EFNA5: variants seen among roughly 807,000 people sequenced by gnomAD.
EFNA5 encodes ephrin A5.
In EFNA5, 5 loss-of-function variants were observed where a neutral mutation model predicts 22.9. The observed-to-expected ratio is 0.22, with a 90% confidence interval of 0.11 to 0.46. The LOEUF (loss-of-function observed/expected upper bound fraction) is 0.46. EFNA5 is among the 20% of genes least tolerant of loss of function. The pLI is 0.99. For missense variants in EFNA5, 237 were observed against 293.3 expected (o/e 0.81, Z 1.40); for synonymous variants, 113 against 112.2 (o/e 1.01, Z -0.04).
At chr5:107,433,902 A>AC (rs1749040002) in intron 1 of EFNA5, among the ~76,000 whole-genome samples, 1 of 53,456 alleles carries the variant, frequency 1.9e-5, no homozygotes, top group East Asian at 3.2e-4. Flanking sequence ...CCCTGTCTCA[A>AC]AAAAAAAAAA....
chr5:107,614,208 C>G (rs765956679), intron 1 of EFNA5, among the ~76,000 whole-genome samples: 1 of 152,138 alleles, frequency 6.6e-6, no homozygotes, highest in South Asian at 2.1e-4. Flanking sequence ...CAGTCTCTTC[C>G]CCAGGCATAA....
chr5:107,421,949 G>A (rs1314515424), intron 2 of EFNA5, among the ~76,000 whole-genome samples: 1 of 151,900 alleles, frequency 6.6e-6, no homozygotes, highest in Non-Finnish European at 1.5e-5. Context: ...GAGCTACCAC[G>A]CCCGTCTAAT....
intron 1 of EFNA5, among the ~76,000 whole-genome samples, chr5:107,555,278 C>T (rs1041467557): frequency 6.6e-6 from 1 of 152,192 alleles, no homozygotes; most frequent in Non-Finnish European, 1.5e-5. Context: ...CCTGAGATAG[C>T]CAGATACACA....
chr5:107,383,283 T>C (rs1315342226), intron 4 of EFNA5, among the ~76,000 whole-genome samples: 3 of 152,172 alleles, frequency 2.0e-5, no homozygotes, highest in African/African-American at 7.2e-5. Flanking sequence ...GGAAGCAAGA[T>C]GGTAAGATAA....
intron 1 of EFNA5, among the ~76,000 whole-genome samples, chr5:107,535,166 CG>C (rs1747901946): frequency 6.6e-6 from 1 of 151,992 alleles, no homozygotes; most frequent in Admixed American, 6.6e-5. Flanking sequence ...CATTCAACAG[CG>C]GTGGGTACCT....
intron 1 of EFNA5, among the ~76,000 whole-genome samples, chr5:107,594,759 G>A (rs1288603594): frequency 1.3e-5 from 2 of 152,114 alleles, no homozygotes; most frequent in East Asian, 1.9e-4. Flanking sequence ...TGGGGAAATG[G>A]GAGCCCCCTG....
At chr5:107,457,404 T>C (rs1034933968) in intron 1 of EFNA5, among the ~76,000 whole-genome samples, 2 of 152,130 alleles carry the variant, frequency 1.3e-5, no homozygotes, top group Admixed American at 1.3e-4. Flanking sequence ...GTCCCTGATA[T>C]AAAAAGGCAT....
At chr5:107,583,339 C>A (rs1330133201) in intron 1 of EFNA5, among the ~76,000 whole-genome samples, 4 of 152,084 alleles carry the variant, frequency 2.6e-5, no homozygotes, top group Admixed American at 2.6e-4. Flanking sequence ...CTGGTTCAGA[C>A]TGAAGTACCT....
At chr5:107,549,216 CTTTA>C (rs1245877689) in intron 1 of EFNA5, among the ~76,000 whole-genome samples, 1 of 152,088 alleles carries the variant, frequency 6.6e-6, no homozygotes, top group Non-Finnish European at 1.5e-5. Flanking sequence ...TTCCAGAATG[CTTTA>C]TTTTTCTTTC....
rs558079480 is a variant in EFNA5, at chr5:107,474,974, T to G, written c.126-47465A>C. ...AGTTTCTGTCCCACTGTTAAGACAG[T>G]GTTTGTGCAATGTGAGGTTACTTCC... On this transcript the variant is annotated intron_variant, in intron 1 of 4. Coordinates refer to ENST00000333274, the MANE Select transcript of EFNA5 (RefSeq NM_001962.3). Among the ~76,000 whole-genome samples the G allele has an allele frequency of 7.2e-5, 11 of 152,334 alleles. No individual in the cohort carries two copies. In the South Asian group the frequency reaches 2.3e-3, roughly 32 times the overall value.
intron 1 of EFNA5, among the ~76,000 whole-genome samples, chr5:107,477,994 A>C (rs76296196): frequency 2.8e-4 from 43 of 152,276 alleles, no homozygotes; most frequent in African/African-American, 1.0e-3. Context: ...TTTAGTGATA[A>C]CCACCGAAAT....
intron 1 of EFNA5, among the ~76,000 whole-genome samples, chr5:107,607,761 A>G (rs1433395615): frequency 6.6e-6 from 1 of 152,040 alleles, no homozygotes; most frequent in Non-Finnish European, 1.5e-5. Flanking sequence ...AGGAGGGAGG[A>G]AAGCAAAAAA....
intron 1 of EFNA5, among the ~76,000 whole-genome samples, chr5:107,566,360 C>A (rs1468403104): frequency 3.3e-5 from 5 of 152,090 alleles, no homozygotes; most frequent in African/African-American, 1.2e-4. Flanking sequence ...TTTCTACACA[C>A]AAAGGGAATG....
chr5:107,486,211 T>G (rs1338452369), intron 1 of EFNA5, among the ~76,000 whole-genome samples: 1 of 152,166 alleles, frequency 6.6e-6, no homozygotes, highest in Admixed American at 6.5e-5. Context: ...GATTCCTGAG[T>G]GTGTGTGAAA....
intron 1 of EFNA5, among the ~76,000 whole-genome samples, chr5:107,642,734 G>C (rs980453581): frequency 3.9e-5 from 6 of 152,140 alleles, no homozygotes; most frequent in Admixed American, 6.5e-5. Flanking sequence ...TGGAGAGAAA[G>C]AAAGAATACG....
intron 1 of EFNA5, among the ~76,000 whole-genome samples, chr5:107,593,537 C>G (rs923976049): frequency 1.3e-5 from 2 of 152,148 alleles, no homozygotes; most frequent in Non-Finnish European, 2.9e-5. Flanking sequence ...AGGGGCTCCA[C>G]GCTGGCTGCA....
chr5:107,614,970 C>T (rs1749884312), intron 1 of EFNA5, among the ~76,000 whole-genome samples: 2 of 152,098 alleles, frequency 1.3e-5, no homozygotes, highest in South Asian at 2.1e-4. Flanking sequence ...TTATCTTGTT[C>T]TATTTTAAAC....
intron 1 of EFNA5, among the ~76,000 whole-genome samples, chr5:107,594,274 C>A (rs570449200): frequency 4.6e-5 from 7 of 152,200 alleles, no homozygotes; most frequent in African/African-American, 1.7e-4. Flanking sequence ...TCATAATCAC[C>A]TTTTTAAAAA....
intron 1 of EFNA5, among the ~76,000 whole-genome samples, chr5:107,431,597 G>A (rs1387964162): frequency 6.6e-6 from 1 of 152,134 alleles, no homozygotes; most frequent in Non-Finnish European, 1.5e-5. Flanking sequence ...TAAAGAAAAG[G>A]GGGAGGCAGA....
Sources: gnomAD v4.1 joint callset for allele counts (sites outside exome capture counted in the v4.1 genomes callset) on GRCh38, gnomAD v4.1.1 for gene constraint, MANE v1.5 for transcripts, NCBI Gene and HGNC (gene_info 2026-07-23, HGNC 2026-07-21) for gene names.